Variants in ZFHX3 observed in about 807,000 individuals in gnomAD.
ZFHX3 encodes the protein zinc finger homeobox 3, also known as zinc finger homeobox protein 3.
A neutral mutation model predicts 279.1 loss-of-function variants in ZFHX3; 42 were observed. That is an observed-to-expected ratio of 0.15 (90% CI 0.12 to 0.19). ZFHX3 has a LOEUF of 0.19. Among genes scored for constraint, ZFHX3 ranks in the 10% least tolerant of loss-of-function variants. The pLI is 1.00. For missense variants in ZFHX3, 4,981 were observed against 4,754.0 expected, an observed-to-expected ratio of 1.05 and a Z score of -1.40; for synonymous variants, 2,293 against 1,957.8, an observed-to-expected ratio of 1.17 and a Z score of -4.52.
chr16:73,753,493 C>T (rs2053778927), intron 1 of ZFHX3, among the ~76,000 whole-genome samples: 1 of 152,154 alleles, frequency 6.6e-6, no homozygotes, highest in South Asian at 2.1e-4. Flanking sequence ...TTACTTTAAC[C>T]CACTCCTTAA....
intron 2 of ZFHX3, among the ~76,000 whole-genome samples, chr16:73,596,878 G>A (rs573514571): frequency 1.5e-3 from 231 of 152,176 alleles, no homozygotes; most frequent in Non-Finnish European, 2.9e-3. Context: ...AATGAATGAA[G>A]GCATGCTACA....
At chr16:73,235,764 C>T (rs954369581) in intron 5 of ZFHX3, among the ~76,000 whole-genome samples, 2 of 152,230 alleles carry the variant, frequency 1.3e-5, no homozygotes, top group African/African-American at 2.4e-5. Flanking sequence ...CCTTGACCTC[C>T]TGGGCTCAAG....
chr16:73,043,873 G>A (rs912075587), intron 1 of ZFHX3, among the ~76,000 whole-genome samples: 8 of 152,182 alleles, frequency 5.3e-5, no homozygotes, highest in African/African-American at 1.7e-4. Flanking sequence ...ATAGAGAAAA[G>A]CCCTCTGACA....
intron 7 of ZFHX3, among the ~76,000 whole-genome samples, chr16:73,102,586 T>C (rs75006076): frequency 1.3e-5 from 2 of 152,200 alleles, no homozygotes; most frequent in African/African-American, 4.8e-5. Context: ...TTCACAGTCA[T>C]AAGCATAGCT....
intron 2 of ZFHX3, among the ~76,000 whole-genome samples, chr16:73,676,680 G>A (rs888577751): frequency 1.3e-5 from 2 of 151,834 alleles, no homozygotes; most frequent in African/African-American, 4.8e-5. Flanking sequence ...AAGACTAGAA[G>A]ACTGAGTCAC....
chr16:73,429,237 G>C (rs1287384525), intron 3 of ZFHX3, among the ~76,000 whole-genome samples: 1 of 152,180 alleles, frequency 6.6e-6, no homozygotes, highest in Non-Finnish European at 1.5e-5. Flanking sequence ...AGCTATAGGA[G>C]AGTGAAGCCG....
chr16:72,820,051 T>C (rs181682302), intron 5 of ZFHX3, among the ~76,000 whole-genome samples: 223 of 152,300 alleles, frequency 1.5e-3, no homozygotes, highest in African/African-American at 4.3e-3. Context: ...CTGAAGGCCC[T>C]CTTTGCTTCA....
chr16:72,946,820 G>C (rs1386811056), intron 3 of ZFHX3, among the ~76,000 whole-genome samples: 1 of 152,240 alleles, frequency 6.6e-6, no homozygotes, highest in East Asian at 1.9e-4. Context: ...AGTGGGGCCA[G>C]GGTGTAGTCC....
At chr16:73,042,639 C>T (rs1290103847) in intron 1 of ZFHX3, among the ~76,000 whole-genome samples, 2 of 152,114 alleles carry the variant, frequency 1.3e-5, no homozygotes, top group East Asian at 1.9e-4. Context: ...CGGGTATAGG[C>T]AGTCACTGAC....
intron 1 of ZFHX3, among the ~76,000 whole-genome samples, chr16:73,715,979 C>T (rs1453058051): frequency 1.3e-5 from 2 of 152,122 alleles, no homozygotes; most frequent in Non-Finnish European, 2.9e-5. Flanking sequence ...CTGCATAAAA[C>T]CTTTGCATTC....
chr16:73,795,325 C>T (rs905550469), intron 1 of ZFHX3, among the ~76,000 whole-genome samples: 7 of 152,150 alleles, frequency 4.6e-5, no homozygotes, highest in African/African-American at 1.7e-4. Flanking sequence ...TTTTGAGGAC[C>T]CCTCTTGCTC....
rs868029600 is a variant in ZFHX3 at position 73,377,762 on chromosome 16, G to A, written c.-1290-59426C>T. The stretch of plus-strand genomic sequence containing the variant: ...TAAATATCTTATACAGGCCAGGCGC[G>A]GTGGCTCACGCCTGTAATCCCAGCA... On this transcript the variant is annotated intron_variant, in intron 3 of 17. Transcript: ENST00000641206. 8.6e-5 allele frequency among the ~76,000 whole-genome samples: 13 copies of A among 151,192 alleles called. No individual in the cohort carries two copies. In the Middle Eastern group the frequency reaches 0.01, roughly 119 times the overall value.
intron 4 of ZFHX3, among the ~76,000 whole-genome samples, chr16:72,888,233 G>A (rs906487787): frequency 2.0e-5 from 3 of 152,186 alleles, no homozygotes; most frequent in African/African-American, 7.2e-5. Context: ...ATTATATTAA[G>A]GTTAAAACTG....
intron 5 of ZFHX3, among the ~76,000 whole-genome samples, chr16:73,235,075 A>G (rs973094596): frequency 5.9e-5 from 9 of 152,024 alleles, no homozygotes; most frequent in Non-Finnish European, 1.3e-4. Context: ...TTCTTTATTT[A>G]TTTACTTTTT....
At chr16:72,939,018 T>C (rs1470152537) in intron 3 of ZFHX3, among the ~76,000 whole-genome samples, 1 of 116,634 alleles carries the variant, frequency 8.6e-6, no homozygotes, top group Admixed American at 8.2e-5. Context: ...CTAGGACACA[T>C]AGCCCTGGGA....
intron 6 of ZFHX3, chr16:73,143,622 C>T (rs1220203083): frequency 1.9e-6 from 1 of 536,880 alleles, no homozygotes. Flanking sequence ...TGTCTAGTAA[C>T]ACTGCAATTT....
At chr16:73,053,366 G>A (rs367916966) in intron 1 of ZFHX3, among the ~76,000 whole-genome samples, 3 of 152,222 alleles carry the variant, frequency 2.0e-5, no homozygotes, top group African/African-American at 4.8e-5. Context: ...GGGAGGCTGC[G>A]GGGGCAAGGC....
chr16:73,127,167 A>G (rs1190306291), intron 7 of ZFHX3: 8 of 350,434 alleles, frequency 2.3e-5, no homozygotes, highest in Admixed American at 1.3e-4. Flanking sequence ...ATAGCTGACT[A>G]CCTGTTGGAA....
At chr16:72,929,297 C>A (rs1156941947) in intron 3 of ZFHX3, among the ~76,000 whole-genome samples, 2 of 151,838 alleles carry the variant, frequency 1.3e-5, no homozygotes, top group African/African-American at 4.8e-5. Context: ...CTTAACTCCA[C>A]CTGGATTTTT....
Sources: gnomAD v4.1 joint callset for allele counts (sites outside exome capture counted in the v4.1 genomes callset) on GRCh38, gnomAD v4.1.1 for gene constraint, MANE v1.5 for transcripts, NCBI Gene and HGNC (gene_info 2026-07-23, HGNC 2026-07-21) for gene names.